ADCY6: variants seen among roughly 807,000 people sequenced by gnomAD.
ADCY6 encodes the protein adenylate cyclase 6, also known as adenylate cyclase type 6.
In ADCY6, 59 loss-of-function variants were observed where a neutral mutation model predicts 111.6. That is an observed-to-expected ratio of 0.53 (90% CI 0.43 to 0.66). ADCY6 has a LOEUF of 0.66. Ranked by LOEUF, ADCY6 falls within the 30% of genes least tolerant of loss-of-function variation. ADCY6 has a pLI of 0.00. For synonymous variants in ADCY6, 576 were observed against 642.9 expected, an observed-to-expected ratio of 0.90 and a Z score of 1.57; for missense variants, 1,242 against 1,595.6, an observed-to-expected ratio of 0.78 and a Z score of 3.78.
intron 18 of ADCY6, 109 bp downstream of exon 18, chr12:48,772,186 G>A: frequency 6.8e-7 from 1 of 1,477,700 alleles, no homozygotes; most frequent in Non-Finnish European, 9.0e-7. Flanking sequence ...AACCAGGGTG[G>A]GCCTAGGTGT....
In ADCY6 at chr12:48,771,610, T is replaced by C. The variant is rs1473329593; in HGVS notation, c.3051+100A>G. ...TTACCCCTGATGACTCTGGGTCCCA[T>C]CAAATCTCTCTCTCTCTTCCCAGTT... is the stretch of plus-strand genomic sequence containing the variant. On this transcript the variant is annotated intron_variant, in intron 19 of 21. Coordinates refer to ENST00000357869, the MANE Select transcript of ADCY6 (RefSeq NM_015270.5). This position sits in a 1 kb window ranked among gnomAD's most constrained non-coding sequence, Gnocchi z 4.3. 17 of 1,566,270 alleles carry C rather than the reference T, an allele frequency of 1.1e-5. No homozygotes were observed. The highest frequency in any genetic ancestry group is 1.5e-5 in the Non-Finnish European group (17 of 1,148,250).
In ADCY6 at chr12:48,768,640, C is replaced by T; in HGVS notation, c.3458G>A (p.Gly1153Asp). Residue 1153 changes from glycine to aspartate, a missense_variant, in exon 22 of 22, where the codon GGC becomes GAC. This residue lies in a region of ADCY6 where 245 missense variants were observed against 371.3 expected (regional missense o/e 0.66). Coordinates refer to ENST00000357869, the MANE Select transcript of ADCY6 (RefSeq NM_015270.5). ...LECRGVVKVK[G>D]KGEMTTYFLN... ...GAAGTAGGTGGTCATCTCCCCCTTG[C>T]CCTTCACCTTGACCACCCCTCGACA... 6.2e-7 allele frequency: 1 copy of T among 1,614,154 alleles called. No homozygotes were observed. Among genetic ancestry groups the T allele is most frequent in the Non-Finnish European group, 8.5e-7 (1 of 1,180,016 alleles).
At chr12:48,789,743 T>A (rs953367513), upstream of ADCY6, 4 of 151,740 alleles carry the variant, frequency 2.6e-5, no homozygotes, top group Admixed American at 1.3e-4. Flanking sequence ...CCCCCCAGTC[T>A]CTGGGGCAGC....
rs768644231 is a variant in ADCY6 at position 48,775,448 on chromosome 12, C to T, written c.1835G>A (p.Arg612Gln). Residue 612 changes from arginine to glutamine, a missense_variant and splice_region_variant, in exon 11 of 22, where the codon CGG (arginine) becomes CAG (glutamine). Physicochemically the swap from Arg to Gln is conservative, Grantham distance 43 (BLOSUM62 1). Transcript: ENST00000357869. Reference sequence around the variant, plus strand: ...AGGGTTCAGGGCATCTTGGGTGCCCCGGCTGAGGGCAGGAGACATGGTTTC... The same window carrying T: ...AGGGTTCAGGGCATCTTGGGTGCCCTGGCTGAGGGCAGGAGACATGGTTTC... ...MGIDDSSKDN[R>Q]GTQDALNPED... is the part of the protein sequence containing the mutation. 1.2e-5 allele frequency: 20 copies of T among 1,613,836 alleles called. No individual in the cohort carries two copies. The highest frequency in any genetic ancestry group is 8.9e-5 in the East Asian group (4 of 44,884).
intron 2 of ADCY6, among the ~76,000 whole-genome samples, chr12:48,781,154 C>T (rs540439236): frequency 1.1e-4 from 17 of 151,196 alleles, no homozygotes; most frequent in African/African-American, 3.4e-4. Flanking sequence ...GCTGAGATCG[C>T]GCCACTGCAC....
At chr12:48,781,292 C>A (rs1308603570) in intron 2 of ADCY6, among the ~76,000 whole-genome samples, 1 of 152,126 alleles carries the variant, frequency 6.6e-6, no homozygotes, top group Non-Finnish European at 1.5e-5. Flanking sequence ...AACCTAGCTT[C>A]TCACCCTGGG....
In ADCY6 at chr12:48,776,538, G is replaced by A. The variant is rs747782381; in HGVS notation, c.1425C>T (p.Ile475=). The A allele has an allele frequency of 4.5e-5, 73 of 1,613,466 alleles. 2 individuals carry two copies. In the South Asian group the frequency reaches 7.6e-4, roughly 17 times the overall value. Residue 475 remains isoleucine, a synonymous_variant, in exon 7 of 22, where the codon ATC becomes ATT. Transcript: ENST00000357869. The surrounding 1 kb of genome is among the most constrained non-coding windows in gnomAD (Gnocchi z 6.1). ...CGCCGCAGTGCACGCGCCCGCTGTG[G>A]ATGCCCACGCGCATGTTCACATTCA... ...TGVNVNMRVG[I]HSGRVHCGVL...
upstream of ADCY6, among the ~76,000 whole-genome samples, chr12:48,789,422 C>T (rs1942044484): frequency 1.3e-5 from 2 of 152,146 alleles, no homozygotes; most frequent in Admixed American, 1.3e-4. Flanking sequence ...CTCTCCCGCC[C>T]TCACCCCGGG....
At position 48,768,299 on chromosome 12, in the gene ADCY6, G is replaced by C. The variant is rs144955011; in HGVS notation, c.*292C>G. The C allele has an allele frequency of 2.2e-4, 108 of 484,156 alleles. No homozygotes were observed. Among genetic ancestry groups the C allele is most frequent in the African/African-American group, 2.0e-3 (101 of 51,366 alleles). 30.0% of individuals were successfully genotyped at this position (484,156 alleles called of 1,614,324 possible). ...TCCCTCAGGCAAGAGGCCTCCCTCT[G>C]CTTCTGCTACTGACCCCTCCCCTGC... On this transcript the variant is annotated 3_prime_UTR_variant, in exon 22 of 22. Coordinates refer to ENST00000357869, the MANE Select transcript of ADCY6 (RefSeq NM_015270.5).
At chr12:48,773,712 G>C (rs779229419) in intron 15 of ADCY6, 65 bp from the exon 16 acceptor site, 4 of 1,581,538 alleles carry the variant, frequency 2.5e-6, no homozygotes, top group Non-Finnish European at 2.6e-6. Flanking sequence ...GGCAGGGAGA[G>C]CCCTGCACTC....
At position 48,772,556 on chromosome 12, in the gene ADCY6, T is replaced by A. The variant is rs200497674; in HGVS notation, c.2622-13A>T. The A allele has an allele frequency of 3.7e-6, 6 of 1,613,968 alleles. No homozygotes were observed. Among genetic ancestry groups the A allele is most frequent in the Non-Finnish European group, 5.1e-6 (6 of 1,179,994 alleles). ...ATTGGAAGAAGCCCTGGTAAGAAGA[T>A]AGAAGAGACAAAGTCATCAGTGCTT... On this transcript the variant is annotated splice_polypyrimidine_tract_variant and intron_variant, in intron 16 of 21. Transcript: ENST00000357869.
chr12:48,773,828 G>A lies in ADCY6; in HGVS notation c.2442+112C>T, dbSNP rs573917417. On this transcript the variant is annotated intron_variant, in intron 15 of 21. Coordinates refer to ENST00000357869, the MANE Select transcript of ADCY6 (RefSeq NM_015270.5). ...CAGGGCCCCTGGTTGCTCCTAGTGT[G>A]GGAGACTCTGGTGAGTTCCTGGGTC... The A allele has an allele frequency of 1.1e-5, 16 of 1,481,916 alleles. No homozygotes were observed. In the African/African-American group the frequency reaches 2.1e-4, roughly 19 times the overall value. 91.8% of individuals were successfully genotyped at this position (1,481,916 alleles called of 1,614,324 possible).
rs1013688117 is a variant in ADCY6, at chr12:48,771,449, G to A, written c.3051+261C>T. On this transcript the variant is annotated intron_variant, in intron 19 of 21. Coordinates refer to ENST00000357869, the MANE Select transcript of ADCY6 (RefSeq NM_015270.5). This position sits in a 1 kb window ranked among gnomAD's most constrained non-coding sequence, Gnocchi z 4.3. ...CTTCTTCTTCAGTGACATCCACCTG[G>A]TACCTATCCTATCCCCCTACAGATC... 7.5e-5 allele frequency: 45 copies of A among 599,388 alleles called. No individual in the cohort carries two copies. In the Admixed American group the frequency reaches 1.1e-3, roughly 15 times the overall value. The allele number at this position is 599,388 out of a possible 1,614,324, so 37.1% of individuals were successfully genotyped here.
At chr12:48,785,336 G>C (rs549055185) in intron 1 of ADCY6, among the ~76,000 whole-genome samples, 5 of 152,288 alleles carry the variant, frequency 3.3e-5, no homozygotes, top group African/African-American at 1.2e-4. Flanking sequence ...AGTGTTCATT[G>C]AGGCCAGGTA....
intron 2 of ADCY6, among the ~76,000 whole-genome samples, chr12:48,780,793 G>A (rs1332471682): frequency 6.6e-6 from 1 of 152,262 alleles, no homozygotes; most frequent in African/African-American, 2.4e-5. Context: ...CCCTGGAAGA[G>A]AAGCTTTGGG....
chr12:48,775,209 C>T (rs1941663261), intron 11 of ADCY6, 94 bp downstream of exon 11: 4 of 1,561,556 alleles, frequency 2.6e-6, no homozygotes, highest in Admixed American at 1.7e-5. Context: ...TCTCCATCCC[C>T]CAGAAACACC....
chr12:48,773,956 G>A lies in ADCY6; in HGVS notation c.2426C>T (p.Thr809Ile), dbSNP rs1316347561. Reference sequence around the variant, plus strand: ...CTCGAACACCTCAGGAAAGCTGCAGGTGGGCATGGTGCCCTCACACAGGGG... The same window carrying A: ...CTCGAACACCTCAGGAAAGCTGCAGATGGGCATGGTGCCCTCACACAGGGG... ...DAPLCEGTMP[T>I]CSFPEYFIGN... The change falls in exon 15 of 22, where the codon ACC becomes ATC. Residue 809 changes from threonine (T) to isoleucine (I), a missense_variant. Physicochemically the swap from Thr to Ile is moderately conservative, Grantham distance 89. Around this residue, in one of 4 missense-constraint regions of ADCY6, gnomAD observed 375 missense variants for 432.5 expected, o/e 0.87. Transcript: ENST00000357869. 3.1e-6 allele frequency: 5 copies of A among 1,613,884 alleles called. No homozygotes were observed. Among genetic ancestry groups the A allele is most frequent in the Admixed American group, 1.7e-5 (1 of 59,988 alleles).
At position 48,782,051 on chromosome 12, in the gene ADCY6, A is replaced by G. The variant is rs1941857732; in HGVS notation, c.864+520T>C. 6.6e-6 allele frequency among the ~76,000 whole-genome samples: 1 copy of G among 151,314 alleles called. No homozygotes were observed. The highest frequency in any genetic ancestry group is 1.5e-5 in the Non-Finnish European group (1 of 67,788). On this transcript the variant is annotated intron_variant, in intron 2 of 21. Transcript: ENST00000357869. This position sits in a 1 kb window ranked among gnomAD's most constrained non-coding sequence, Gnocchi z 4.3. ...GTGGCCTTGGTCCAGGAAAGAGGGG[A>G]CTCCTCTCTTGCTGACAACATCCAA... is the stretch of plus-strand genomic sequence containing the variant.
chr12:48,783,322 A>G lies in ADCY6; in HGVS notation c.113T>C (p.Phe38Ser), dbSNP rs922874988. The change falls in exon 2 of 22, where the codon TTC (phenylalanine) becomes TCC (serine). Residue 38 changes from phenylalanine to serine, a missense_variant. Physicochemically the swap from Phe to Ser is radical, Grantham distance 155. Around this residue, in one of 4 missense-constraint regions of ADCY6, gnomAD observed 362 missense variants for 377.2 expected, o/e 0.96. Coordinates refer to ENST00000357869, the MANE Select transcript of ADCY6 (RefSeq NM_015270.5). ...SRRRGTRAGG[F>S]CTPRYMSCLR... ...GCAGCTCATATAGCGGGGCGTGCAG[A>G]AGCCACCTGCCCGAGTGCCACGGCG... The G allele has an allele frequency of 1.2e-6, 2 of 1,613,746 alleles. No individual in the cohort carries two copies. The highest frequency in any genetic ancestry group is 1.7e-6 in the Non-Finnish European group (2 of 1,179,944).
Sources: gnomAD v4.1 joint callset for allele counts (sites outside exome capture counted in the v4.1 genomes callset) on GRCh38, gnomAD v4.1.1 for gene constraint, gnomAD v4.1.1 regional missense constraint, Gnocchi (gnomAD v3.1) non-coding constraint, MANE v1.5 for transcripts, NCBI Gene and HGNC (gene_info 2026-07-23, HGNC 2026-07-21) for gene names.